Variants in KAZN observed in about 807,000 individuals in gnomAD.
KAZN encodes the protein kazrin, periplakin interacting protein.
Under a neutral mutation model 87.4 loss-of-function variants are expected in KAZN, and 40 were observed. The observed-to-expected ratio is 0.46, with a 90% CI of 0.36 to 0.60. The LOEUF (loss-of-function observed/expected upper bound fraction) is 0.60. Among genes scored for constraint, KAZN ranks in the 20% least tolerant of loss-of-function variants. The pLI is 0.00. For missense variants in KAZN, 898 were observed against 1,073.9 expected, an observed-to-expected ratio of 0.84 and a Z score of 2.29; for synonymous variants, 466 against 458.3, an observed-to-expected ratio of 1.02 and a Z score of -0.22.
intron 2 of KAZN, among the ~76,000 whole-genome samples, chr1:14,488,310 C>A (rs1383108415): frequency 1.3e-5 from 2 of 152,134 alleles, no homozygotes; most frequent in South Asian, 4.1e-4. Context: ...GGAAGAAAGA[C>A]AGGAGGATGC....
chr1:14,289,874 C>T (rs554467625), intron 2 of KAZN, among the ~76,000 whole-genome samples: 74 of 152,230 alleles, frequency 4.9e-4, no homozygotes, highest in Middle Eastern at 3.4e-3. Context: ...AAGGCAGGCC[C>T]GGTGGTGACA....
At chr1:14,811,738 C>G (rs1572546968) in intron 1 of KAZN, among the ~76,000 whole-genome samples, 1 of 152,162 alleles carries the variant, frequency 6.6e-6, no homozygotes, top group African/African-American at 2.4e-5. Flanking sequence ...GAATTGGCAG[C>G]TTTGTTTTCT....
intron 1 of KAZN, among the ~76,000 whole-genome samples, chr1:14,859,927 C>A (rs1356853638): frequency 1.3e-5 from 2 of 152,126 alleles, no homozygotes; most frequent in African/African-American, 4.8e-5. Context: ...CCCCAGTCAT[C>A]TTTTTCCTGG....
At chr1:14,027,971 A>G (rs1415556113) in intron 1 of KAZN, among the ~76,000 whole-genome samples, 1 of 152,050 alleles carries the variant, frequency 6.6e-6, no homozygotes, top group African/African-American at 2.4e-5. Context: ...GCCTTTCTTT[A>G]TTCTGTCTTT....
intron 1 of KAZN, among the ~76,000 whole-genome samples, chr1:14,072,806 G>T (rs116458642): frequency 3.3e-5 from 5 of 152,108 alleles, no homozygotes; most frequent in Non-Finnish European, 5.9e-5. Context: ...GTGTAAGGGC[G>T]AAATGAGATG....
chr1:14,273,514 A>T (rs1354924757), intron 2 of KAZN, among the ~76,000 whole-genome samples: 2 of 152,194 alleles, frequency 1.3e-5, no homozygotes, highest in African/African-American at 4.8e-5. Flanking sequence ...GAGGAATCAG[A>T]GGTTGATAAA....
intron 2 of KAZN, among the ~76,000 whole-genome samples, chr1:14,549,118 TATTA>T (rs1463422982): frequency 3.3e-5 from 5 of 152,224 alleles, no homozygotes; most frequent in Non-Finnish European, 7.3e-5. Context: ...TGATTTCACT[TATTA>T]ATTCTAATAA....
intron 2 of KAZN, among the ~76,000 whole-genome samples, chr1:14,434,033 C>T (rs553144827): frequency 1.3e-5 from 2 of 152,270 alleles, no homozygotes; most frequent in South Asian, 4.1e-4. Context: ...TTTTCAACCT[C>T]CAGAACTGTT....
At chr1:14,055,552 G>C (rs1444879741) in intron 1 of KAZN, among the ~76,000 whole-genome samples, 1 of 152,208 alleles carries the variant, frequency 6.6e-6, no homozygotes, top group East Asian at 1.9e-4. Flanking sequence ...AGTTTTCTGA[G>C]CTGTGTTTAG....
At chr1:14,444,188 A>G (rs957864099) in intron 2 of KAZN, among the ~76,000 whole-genome samples, 3 of 152,106 alleles carry the variant, frequency 2.0e-5, no homozygotes, top group Non-Finnish European at 2.9e-5. Flanking sequence ...TGAGATGTAC[A>G]TATACCCCTT....
intron 2 of KAZN, among the ~76,000 whole-genome samples, chr1:14,416,664 G>C (rs184451452): frequency 3.6e-3 from 548 of 152,172 alleles, no homozygotes; most frequent in African/African-American, 0.012. Context: ...TTGAACCCAG[G>C]AGACAGAGGT....
intron 1 of KAZN, among the ~76,000 whole-genome samples, chr1:14,779,718 T>C (rs1045032109): frequency 1.3e-5 from 2 of 152,222 alleles, no homozygotes; most frequent in Admixed American, 1.3e-4. Context: ...TTGTTATTTT[T>C]TTCCTGGGAT....
rs936867365 is a variant in KAZN at position 14,749,463 on chromosome 1, C to T, written c.226+150240C>T. Reference sequence around the variant, plus strand: ...AAGCATTCTTAAGCCACTCTTAAACCTCCTTCAGGAGAGGGCTTCAGTTCC... The same window carrying T: ...AAGCATTCTTAAGCCACTCTTAAACTTCCTTCAGGAGAGGGCTTCAGTTCC... On this transcript the variant is annotated intron_variant, in intron 1 of 14. Coordinates refer to ENST00000376030, the MANE Select transcript of KAZN (RefSeq NM_201628.3). Among the ~76,000 whole-genome samples, 11 of 152,204 alleles carry T rather than the reference C, an allele frequency of 7.2e-5. 1 individual carries two copies. Among genetic ancestry groups the T allele is most frequent in the African/African-American group, 2.7e-4 (11 of 41,442 alleles).
chr1:14,032,999 A>G (rs1308508516), intron 1 of KAZN, among the ~76,000 whole-genome samples: 1 of 152,170 alleles, frequency 6.6e-6, no homozygotes, highest in African/African-American at 2.4e-5. Flanking sequence ...AGCAACTTGC[A>G]GGGTCAAGCA....
intron 2 of KAZN, among the ~76,000 whole-genome samples, chr1:14,342,059 A>G (rs1438251685): frequency 6.6e-6 from 1 of 152,064 alleles, no homozygotes; most frequent in African/African-American, 2.4e-5. Context: ...TTTAGCTCCC[A>G]CTTATAAATG....
rs1038459534 is a variant in KAZN, at chr1:13,904,726, G to A, written c.91+10970G>A. ...GGAAGCTCTGTAGTTTCACTACAGT[G>A]TAGCTAGGGGTAGGTCTAATTTTAT... is the stretch of plus-strand genomic sequence containing the variant. On this transcript the variant is annotated intron_variant, in intron 1 of 16. Coordinates refer to the KAZN transcript ENST00000636203. Among the ~76,000 whole-genome samples, 50 of 152,278 alleles carry A rather than the reference G, an allele frequency of 3.3e-4. 1 individual carries two copies. The highest frequency in any genetic ancestry group is 1.8e-3 in the Admixed American group (27 of 15,298).
intron 3 of KAZN, among the ~76,000 whole-genome samples, chr1:15,038,708 C>T (rs543420586): frequency 9.2e-5 from 14 of 152,234 alleles, no homozygotes; most frequent in African/African-American, 3.4e-4. Flanking sequence ...TTATTGTGCA[C>T]CTACTGTATA....
chr1:14,375,274 CAGAA>C (rs1660805830), intron 2 of KAZN, among the ~76,000 whole-genome samples: 1 of 152,150 alleles, frequency 6.6e-6, no homozygotes, highest in African/African-American at 2.4e-5. Context: ...GGGACCATCA[CAGAA>C]AGCCAAACCA....
At chr1:15,018,059 C>T (rs1220214650) in intron 2 of KAZN, among the ~76,000 whole-genome samples, 1 of 152,090 alleles carries the variant, frequency 6.6e-6, no homozygotes, top group South Asian at 2.1e-4. Context: ...CTGCAAACTC[C>T]CTTTTCTCCC....
Sources: allele counts gnomAD v4.1 joint callset (sites outside exome capture counted in the v4.1 genomes callset), GRCh38; gene constraint gnomAD v4.1.1; transcripts MANE v1.5; gene names NCBI Gene and HGNC (gene_info 2026-07-23, HGNC 2026-07-21).